The following MAP3K13 variants were observed in gnomAD, a reference collection of about 807,000 sequenced individuals.
MAP3K13 encodes the protein leucine zipper-bearing kinase.
Under a neutral mutation model 104.0 loss-of-function variants are expected in MAP3K13, and 52 were observed. The observed-to-expected ratio is 0.50, with a 90% confidence interval of 0.40 to 0.63. The LOEUF (loss-of-function observed/expected upper bound fraction) is 0.63, where lower values mean the gene tolerates loss of function less well. Among genes scored for constraint, MAP3K13 ranks in the 20% least tolerant of loss-of-function variants. The pLI is 0.00. For missense variants in MAP3K13, 914 were observed against 1,218.5 expected (o/e 0.75, Z 3.72); for synonymous variants, 394 against 442.2 (o/e 0.89, Z 1.37).
At chr3:185,325,867 C>T (rs376445085) in intron 2 of MAP3K13, among the ~76,000 whole-genome samples, 198 of 152,340 alleles carry the variant, frequency 1.3e-3, no homozygotes, top group African/African-American at 4.6e-3. Flanking sequence ...CACTGGCCTT[C>T]GTCCTCTTGG....
chr3:185,427,048 ATT>A (rs1714462251), intron 1 of MAP3K13, among the ~76,000 whole-genome samples: 2 of 152,178 alleles, frequency 1.3e-5, no homozygotes, highest in African/African-American at 4.8e-5. Context: ...AAGAAAGTAC[ATT>A]TCTGATAAGA....
intron 2 of MAP3K13, among the ~76,000 whole-genome samples, chr3:185,318,179 T>G (rs993715294): frequency 5.9e-5 from 9 of 152,156 alleles, no homozygotes; most frequent in Admixed American, 2.0e-4. Context: ...TGGCAAAATA[T>G]CCAATGCTTT....
chr3:185,455,332 T>TATATATGAGATATATATGAG (rs1716461674), intron 7 of MAP3K13, among the ~76,000 whole-genome samples: 1 of 103,498 alleles, frequency 9.7e-6, no homozygotes, highest in Admixed American at 1.2e-4. Context: ...ATATATATGA[T>TATATATGAGATATATATGAG]ATATATGAGA....
intron 5 of MAP3K13, among the ~76,000 whole-genome samples, chr3:185,449,546 C>T (rs1209569538): frequency 1.3e-5 from 2 of 152,026 alleles, no homozygotes; most frequent in African/African-American, 4.8e-5. Flanking sequence ...GTTCCAACAA[C>T]ATTTATTAAC....
intron 1 of MAP3K13, among the ~76,000 whole-genome samples, chr3:185,380,878 G>A (rs553473179): frequency 6.6e-6 from 1 of 152,000 alleles, no homozygotes; most frequent in East Asian, 1.9e-4. Context: ...CGAGAAGCAG[G>A]CTGTATCAAA....
intron 2 of MAP3K13, among the ~76,000 whole-genome samples, chr3:185,330,399 C>T (rs896466141): frequency 2.6e-5 from 4 of 152,078 alleles, no homozygotes; most frequent in Non-Finnish European, 5.9e-5. Context: ...AGATGGAATC[C>T]AGGACGCGTT....
intron 2 of MAP3K13, among the ~76,000 whole-genome samples, chr3:185,330,899 A>G (rs368205370): frequency 6.6e-6 from 1 of 152,008 alleles, no homozygotes; most frequent in Non-Finnish European, 1.5e-5. Context: ...TCTCTTGAAC[A>G]CATCAGACCT....
Position 185,315,506 on chromosome 3 carries a change from G to T in MAP3K13, c.-86+29863G>T, listed in dbSNP as rs1577416937. Among the ~76,000 whole-genome samples, 1 of 152,176 alleles carries T rather than the reference G, an allele frequency of 6.6e-6. No individual in the cohort carries two copies. The highest frequency in any genetic ancestry group is 2.1e-4 in the South Asian group (1 of 4,832). Reference sequence around the variant, plus strand: ...ACTGCTGGTCCAGCGACCATTAATTGAGAACGACTGCATTAGAAAAATCAT... The same window carrying T: ...ACTGCTGGTCCAGCGACCATTAATTTAGAACGACTGCATTAGAAAAATCAT... On this transcript the variant is annotated intron_variant, in intron 2 of 14. Transcript: ENST00000424227. The surrounding 1 kb of genome is among the most constrained non-coding windows in gnomAD (Gnocchi z 4.3).
intron 12 of MAP3K13, 68 bp downstream of exon 12, chr3:185,477,464 C>T: frequency 8.5e-7 from 1 of 1,175,562 alleles, no homozygotes; most frequent in Non-Finnish European, 1.3e-6. Context: ...GTTTGCCACA[C>T]CTGCTCTTCA....
rs144807209 is a variant in MAP3K13 at position 185,420,854 on chromosome 3, C to G, written c.-85-7643C>G. The stretch of plus-strand genomic sequence containing the variant: ...TTTGGCCACATTACCTCCTCCATTC[C>G]TCTTTCTCTCTACATTGCATCCTGG... On this transcript the variant is annotated intron_variant, in intron 1 of 13. Transcript: ENST00000265026. 2.0e-4 allele frequency among the ~76,000 whole-genome samples: 30 copies of G among 152,312 alleles called. No individual in the cohort carries two copies. In the East Asian group the frequency reaches 4.6e-3, roughly 23 times the overall value.
Position 185,480,238 on chromosome 3 carries a change from T to C in MAP3K13, c.2508T>C (p.His836=). ...TGGTTCTTCTTGGTTCTAGGCCCCA[T>C]CGCTGTATCAGCAGCTGCCAGTCAT... The part of the protein sequence containing the change: ...EVEFPRRQRP[H]RCISSCQSYS... The change falls in exon 13 of 14, where the codon CAT becomes CAC. Residue 836 remains histidine, a synonymous_variant. Coordinates refer to ENST00000265026, the MANE Select transcript of MAP3K13 (RefSeq NM_004721.5). 1 of 1,613,870 alleles carries C rather than the reference T, an allele frequency of 6.2e-7. No individual in the cohort carries two copies.
At chr3:185,411,048 C>T (rs1206362899) in intron 1 of MAP3K13, among the ~76,000 whole-genome samples, 3 of 151,432 alleles carry the variant, frequency 2.0e-5, no homozygotes, top group African/African-American at 7.3e-5. Context: ...TCACAAAAAA[C>T]AATGACTCCC....
chr3:185,454,447 T>G (rs1343161894), intron 7 of MAP3K13, among the ~76,000 whole-genome samples: 1 of 117,482 alleles, frequency 8.5e-6, no homozygotes, highest in African/African-American at 3.4e-5. Context: ...ATGAGATATA[T>G]ATATGAGATA....
Position 185,315,542 on chromosome 3 carries a change from A to T in MAP3K13, c.-86+29899A>T, listed in dbSNP as rs1721644907. ...CATTAGAAAAATCATGGGAAAAAAT[A>T]TGGAAATACATAATGAAAATAACAA... is the stretch of plus-strand genomic sequence containing the variant. On this transcript the variant is annotated intron_variant, in intron 2 of 14. Transcript: ENST00000424227. This position sits in a 1 kb window ranked among gnomAD's most constrained non-coding sequence, Gnocchi z 4.3. Among the ~76,000 whole-genome samples, 2 of 152,328 alleles carry T rather than the reference A, an allele frequency of 1.3e-5. No individual in the cohort carries two copies. Among genetic ancestry groups the T allele is most frequent in the South Asian group, 4.1e-4 (2 of 4,822 alleles).
At chr3:185,296,374 A>G (rs1375016634) in intron 2 of MAP3K13, among the ~76,000 whole-genome samples, 1 of 152,168 alleles carries the variant, frequency 6.6e-6, no homozygotes, top group Non-Finnish European at 1.5e-5. Context: ...CATCTATTGG[A>G]CTACCCAGCC....
Position 185,338,460 on chromosome 3 carries a change from G to A in MAP3K13, c.-86+52817G>A, listed in dbSNP as rs147143862. ...CTCAAGAATCAAGTGTTCAAACAAT[G>A]TACTTAAGAAATTATACAAGAAATG... On this transcript the variant is annotated intron_variant, in intron 2 of 14. Coordinates refer to the MAP3K13 transcript ENST00000424227. 1.2e-4 allele frequency among the ~76,000 whole-genome samples: 18 copies of A among 151,950 alleles called. No homozygotes were observed. In the East Asian group the frequency reaches 3.5e-3, roughly 29 times the overall value.
At position 185,442,038 on chromosome 3, in the gene MAP3K13, C is replaced by CAAAA. The variant is rs749288252; in HGVS notation, c.660-1392_660-1389dup. ...CCTGGGTGACAGAGCGACTCTGTCT[C>CAAAA]AAAAAAAAAAAAAAAAAATTAGCCT... On this transcript the variant is annotated intron_variant, in intron 3 of 13. Coordinates refer to ENST00000265026, the MANE Select transcript of MAP3K13 (RefSeq NM_004721.5). 2.9e-3 allele frequency among the ~76,000 whole-genome samples: 310 copies of CAAAA among 107,456 alleles called. 1 individual carries two copies. Among genetic ancestry groups the CAAAA allele is most frequent in the East Asian group, 0.018 (67 of 3,752 alleles). 70.5% of individuals were successfully genotyped at this position (107,456 alleles called of 152,430 possible).
chr3:185,284,134 G>A (rs1044421902), intron 1 of MAP3K13, among the ~76,000 whole-genome samples: 1 of 151,332 alleles, frequency 6.6e-6, no homozygotes, highest in Non-Finnish European at 1.5e-5. Context: ...CACTACGCGC[G>A]GCCACTTTCC....
At chr3:185,393,118 TTATTGGGGTGGGG>T (rs1224427125) in intron 1 of MAP3K13, among the ~76,000 whole-genome samples, 48 of 151,374 alleles carry the variant, frequency 3.2e-4, no homozygotes, top group Non-Finnish European at 5.8e-4. Flanking sequence ...CTAGAAGGGG[TTATTGGGGTGGGG>T]AGAAGTATGC....
Sources: gnomAD v4.1 joint callset for allele counts (sites outside exome capture counted in the v4.1 genomes callset) on GRCh38, gnomAD v4.1.1 for gene constraint, Gnocchi (gnomAD v3.1) non-coding constraint, MANE v1.5 for transcripts, NCBI Gene and HGNC (gene_info 2026-07-23, HGNC 2026-07-21) for gene names.